NDUFAF6: variants seen among roughly 807,000 people sequenced by gnomAD.
The protein encoded by NDUFAF6 is NADH:ubiquinone oxidoreductase complex assembly factor 6.
Under a neutral mutation model 40.8 loss-of-function variants are expected in NDUFAF6, and 45 were observed. The observed-to-expected ratio is 1.10, with a 90% CI of 0.87 to 1.42. The LOEUF (loss-of-function observed/expected upper bound fraction) is 1.42. Among genes scored for constraint, NDUFAF6 ranks in the 40% most tolerant of loss-of-function variants. NDUFAF6 has a pLI of 0.00. For synonymous variants in NDUFAF6, 185 were observed against 155.9 expected, an observed-to-expected ratio of 1.19 and a Z score of -1.39; for missense variants, 435 against 418.5, an observed-to-expected ratio of 1.04 and a Z score of -0.34.
intron 1 of NDUFAF6, among the ~76,000 whole-genome samples, chr8:94,978,349 C>A (rs753723883): frequency 6.6e-6 from 1 of 152,182 alleles, no homozygotes; most frequent in Non-Finnish European, 1.5e-5. Context: ...GCCCTCAGGA[C>A]ACTTTTGGAC....
At chr8:94,937,391 A>C (rs1161599767) in intron 1 of NDUFAF6, among the ~76,000 whole-genome samples, 1 of 151,552 alleles carries the variant, frequency 6.6e-6, no homozygotes, top group African/African-American at 2.4e-5. Context: ...CGCTGAGCCA[A>C]GATCCTGCCA....
intron 5 of NDUFAF6, 31 bp from the exon 6 acceptor site, chr8:95,046,963 G>C (rs752304679): frequency 1.9e-6 from 3 of 1,613,496 alleles, no homozygotes; most frequent in African/African-American, 1.3e-5. Flanking sequence ...ACTTAGAATA[G>C]AGCAGCCCTG....
intron 2 of NDUFAF6, among the ~76,000 whole-genome samples, chr8:95,013,150 A>G (rs1353069362): frequency 2.0e-5 from 3 of 151,598 alleles, no homozygotes; most frequent in East Asian, 1.9e-4. Flanking sequence ...AACCCAAACT[A>G]TAGTGCAGTG....
intron 1 of NDUFAF6, among the ~76,000 whole-genome samples, chr8:94,939,421 G>A (rs963100854): frequency 6.6e-6 from 1 of 152,150 alleles, no homozygotes; most frequent in Non-Finnish European, 1.5e-5. Flanking sequence ...TTTTGAGACA[G>A]AGTCTTGCTC....
chr8:95,036,071 A>T (rs906588124), intron 3 of NDUFAF6, among the ~76,000 whole-genome samples: 16 of 152,192 alleles, frequency 1.1e-4, no homozygotes, highest in African/African-American at 3.9e-4. Context: ...GTCTAGTTTG[A>T]TAGAATTATC....
intron 4 of NDUFAF6, 147 bp downstream of exon 4, chr8:95,041,773 C>A: frequency 1.4e-6 from 1 of 705,654 alleles, no homozygotes; most frequent in Non-Finnish European, 2.5e-6. Flanking sequence ...CATACTTTAC[C>A]CTTGCATGCT....
upstream of NDUFAF6, among the ~76,000 whole-genome samples, chr8:94,956,287 A>G (rs568293179): frequency 1.3e-5 from 2 of 152,196 alleles, no homozygotes; most frequent in Non-Finnish European, 2.9e-5. Context: ...CAAGTGCTAT[A>G]TAAGCTGGGG....
At chr8:94,937,704 G>A (rs1006619147) in intron 1 of NDUFAF6, among the ~76,000 whole-genome samples, 5 of 152,134 alleles carry the variant, frequency 3.3e-5, no homozygotes, top group Admixed American at 2.0e-4. Flanking sequence ...AGTACTGGAA[G>A]CAGGGATGGT....
intron 2 of NDUFAF6, among the ~76,000 whole-genome samples, chr8:95,083,728 T>A (rs928790136): frequency 2.6e-5 from 4 of 152,198 alleles, no homozygotes; most frequent in African/African-American, 9.7e-5. Context: ...ACTACCACAG[T>A]CTCAAAGTAG....
At chr8:94,940,156 AG>A in intron 1 of NDUFAF6, 1 of 1,614,162 alleles carries the variant, frequency 6.2e-7, no homozygotes, top group Non-Finnish European at 8.5e-7. Flanking sequence ...GGTGCTCAGT[AG>A]GTGACTCTTC....
rs1830266477 is a variant in NDUFAF6, at chr8:95,042,606, C to G, written c.477+980C>G. On this transcript the variant is annotated intron_variant, in intron 4 of 8. Coordinates refer to ENST00000396124, the MANE Select transcript of NDUFAF6 (RefSeq NM_152416.4). ...TTCAGTGCAATCCTTTTCAAAATTC[C>G]AGCTTTCTTTTTTGCAGAAATTGAC... Among the ~76,000 whole-genome samples, 3 of 152,210 alleles carry G rather than the reference C, an allele frequency of 2.0e-5. No homozygotes were observed. The South Asian group carries it at 6.2e-4, about 32-fold the overall frequency.
upstream of NDUFAF6, chr8:95,024,980 G>C (rs1049360027): frequency 1.5e-6 from 2 of 1,299,342 alleles, no homozygotes; most frequent in East Asian, 3.1e-5. Flanking sequence ...CCGACGGCGG[G>C]GGGTCGAAGG....
In NDUFAF6 at chr8:94,940,030, G is replaced by C. The variant is rs368073567; in HGVS notation, c.-935-5453G>C. ...TTAATCCACCTGCAGTAAAACATGG[G>C]GGTGGGGTGATAAACCAGCTCTCCT... On this transcript the variant is annotated intron_variant, in intron 1 of 14. Coordinates refer to the NDUFAF6 transcript ENST00000396113. 3.1e-6 allele frequency: 5 copies of C among 1,614,190 alleles called. No homozygotes were observed. In the African/African-American group the frequency reaches 6.7e-5, roughly 22 times the overall value.
intron 1 of NDUFAF6, among the ~76,000 whole-genome samples, chr8:94,971,064 A>G (rs898454913): frequency 6.6e-6 from 1 of 152,250 alleles, no homozygotes; most frequent in African/African-American, 2.4e-5. Context: ...GTTTGCATCT[A>G]TGATCCGAAA....
At chr8:95,006,744 G>A (rs1586952428) in intron 2 of NDUFAF6, among the ~76,000 whole-genome samples, 1 of 151,914 alleles carries the variant, frequency 6.6e-6, no homozygotes, top group East Asian at 1.9e-4. Context: ...GCTGGGTGTA[G>A]TGGTGCACGC....
At chr8:94,986,761 C>T (rs1825927952) in intron 2 of NDUFAF6, among the ~76,000 whole-genome samples, 1 of 152,192 alleles carries the variant, frequency 6.6e-6, no homozygotes. Flanking sequence ...AATTTGGTTT[C>T]TGTGACATGA....
chr8:94,933,153 T>G (rs748022467), intron 1 of NDUFAF6, among the ~76,000 whole-genome samples: 1 of 152,074 alleles, frequency 6.6e-6, no homozygotes, highest in Non-Finnish European at 1.5e-5. Flanking sequence ...AGTGCGGAGG[T>G]TGCAGTGAGC....
At chr8:94,944,162 A>G (rs1821794183) in intron 1 of NDUFAF6, among the ~76,000 whole-genome samples, 1 of 152,224 alleles carries the variant, frequency 6.6e-6, no homozygotes, top group African/African-American at 2.4e-5. Context: ...CCAATTCTGC[A>G]GAGCATGGTG....
At chr8:95,057,565 T>C (rs868811504) in intron 8 of NDUFAF6, among the ~76,000 whole-genome samples, 1 of 152,152 alleles carries the variant, frequency 6.6e-6, no homozygotes, top group South Asian at 2.1e-4. Context: ...CCAAAGCTTT[T>C]TATATTATGA....
Sources: allele counts gnomAD v4.1 joint callset (sites outside exome capture counted in the v4.1 genomes callset), GRCh38; gene constraint gnomAD v4.1.1; transcripts MANE v1.5; gene names NCBI Gene and HGNC (gene_info 2026-07-23, HGNC 2026-07-21).